The following CEP128 variants were observed in gnomAD, a reference collection of about 807,000 sequenced individuals.
CEP128 encodes the protein centrosomal protein 128.
In CEP128, 132 loss-of-function variants were observed where a neutral mutation model predicts 156.7. That is an observed-to-expected ratio of 0.84 (90% CI 0.73 to 0.97). The LOEUF (loss-of-function observed/expected upper bound fraction) is 0.97, where lower values mean the gene tolerates loss of function less well. Ranked by LOEUF, CEP128 falls within the 50% of genes least tolerant of loss-of-function variation. CEP128 has a pLI of 0.00. For synonymous variants in CEP128, 469 were observed against 448.9 expected, an observed-to-expected ratio of 1.04 and a Z score of -0.57; for missense variants, 1,252 against 1,281.9, an observed-to-expected ratio of 0.98 and a Z score of 0.36.
intron 19 of CEP128, among the ~76,000 whole-genome samples, chr14:80,729,080 T>G (rs1595298956): frequency 3.1e-5 from 2 of 65,154 alleles, no homozygotes; most frequent in African/African-American, 7.2e-5. Context: ...TGTGTGTGTG[T>G]GTGTGTGTGT....
At chr14:80,553,836 T>A (rs769430076) in intron 21 of CEP128, among the ~76,000 whole-genome samples, 4 of 152,220 alleles carry the variant, frequency 2.6e-5, no homozygotes, top group Non-Finnish European at 4.4e-5. Flanking sequence ...GGGCATTTTA[T>A]ATAAACAAGA....
At chr14:80,713,026 T>C (rs577025344) in intron 19 of CEP128, among the ~76,000 whole-genome samples, 4 of 152,144 alleles carry the variant, frequency 2.6e-5, no homozygotes, top group South Asian at 2.1e-4. Flanking sequence ...AATCATATCA[T>C]AGACAATCAA....
At chr14:80,667,358 A>G (rs1286605053) in intron 19 of CEP128, among the ~76,000 whole-genome samples, 2 of 152,194 alleles carry the variant, frequency 1.3e-5, no homozygotes, top group African/African-American at 4.8e-5. Flanking sequence ...TAAATTCTCC[A>G]AAGAAAGCCA....
chr14:80,882,153 GAA>G (rs1888581759), intron 8 of CEP128, among the ~76,000 whole-genome samples: 2 of 151,730 alleles, frequency 1.3e-5, no homozygotes, highest in African/African-American at 4.8e-5. Flanking sequence ...ACAACCCACA[GAA>G]TGACAAAAAA....
chr14:80,817,135 C>G (rs970960637), intron 13 of CEP128, among the ~76,000 whole-genome samples: 1 of 152,042 alleles, frequency 6.6e-6, no homozygotes, highest in African/African-American at 2.4e-5. Flanking sequence ...AGAGACTACA[C>G]ACATGATGGA....
chr14:80,662,759 A>C (rs1476885907), intron 19 of CEP128, among the ~76,000 whole-genome samples: 1 of 152,206 alleles, frequency 6.6e-6, no homozygotes, highest in Non-Finnish European at 1.5e-5. Context: ...TTGTGGTAAA[A>C]GTAATCTCAT....
At chr14:80,511,265 C>T (rs371063099) in intron 23 of CEP128, among the ~76,000 whole-genome samples, 36 of 151,878 alleles carry the variant, frequency 2.4e-4, no homozygotes, top group African/African-American at 8.7e-4. Flanking sequence ...ACCTTTTTAT[C>T]ATGGCTTCGA....
chr14:80,817,514 A>G (rs1421060389), intron 13 of CEP128, among the ~76,000 whole-genome samples: 3 of 152,224 alleles, frequency 2.0e-5, no homozygotes, highest in African/African-American at 4.8e-5. Flanking sequence ...TCTAATAGCA[A>G]TATCAGTAAA....
chr14:80,954,287 A>C (rs1886546317), intron 2 of CEP128, among the ~76,000 whole-genome samples: 1 of 151,824 alleles, frequency 6.6e-6, no homozygotes, highest in South Asian at 2.1e-4. Flanking sequence ...AAAAAAAAAG[A>C]AAAGAAAATT....
chr14:80,939,433 C>A lies in CEP128; in HGVS notation c.-64G>T, dbSNP rs1184633020. On this transcript the variant is annotated 5_prime_UTR_variant, in exon 2 of 25. Coordinates refer to ENST00000555265, the MANE Select transcript of CEP128 (RefSeq NM_152446.5). The stretch of plus-strand genomic sequence containing the variant: ...GTTGCTCTTCTCTGAGCTCAACGCT[C>A]TTTTTAGGCACATATGTCTGCCTCC... 4 of 152,128 alleles carry A rather than the reference C, an allele frequency of 2.6e-5. No homozygotes were observed. The highest frequency in any genetic ancestry group is 5.9e-5 in the Non-Finnish European group (4 of 68,028). The allele number at this position is 152,128 out of a possible 1,614,324, so 9.4% of individuals were successfully genotyped here.
chr14:80,850,270 T>C (rs1021835635), intron 9 of CEP128, among the ~76,000 whole-genome samples: 10 of 152,162 alleles, frequency 6.6e-5, no homozygotes, highest in African/African-American at 2.4e-4. Flanking sequence ...ATTTTTTTCA[T>C]TTGTGAGGCT....
intron 21 of CEP128, among the ~76,000 whole-genome samples, chr14:80,551,014 T>C (rs1302989349): frequency 1.3e-5 from 2 of 152,242 alleles, no homozygotes; most frequent in African/African-American, 2.4e-5. Flanking sequence ...ACATAAAAAG[T>C]ACATGAGAAT....
At chr14:80,853,796 A>T (rs2140127252) in intron 9 of CEP128, among the ~76,000 whole-genome samples, 1 of 152,154 alleles carries the variant, frequency 6.6e-6, no homozygotes, top group African/African-American at 2.4e-5. Context: ...ATAGGGCTAG[A>T]CAAGCAAATC....
At chr14:80,784,122 T>TCA (rs1470978511) in intron 15 of CEP128, among the ~76,000 whole-genome samples, 1 of 152,140 alleles carries the variant, frequency 6.6e-6, no homozygotes, top group African/African-American at 2.4e-5. Context: ...ATTCACCTAT[T>TCA]CAATAGATAT....
chr14:80,714,038 T>A (rs1897510747), intron 19 of CEP128, among the ~76,000 whole-genome samples: 1 of 152,198 alleles, frequency 6.6e-6, no homozygotes, highest in Non-Finnish European at 1.5e-5. Flanking sequence ...ATATTATTGA[T>A]GCACAGGGGA....
At chr14:80,575,082 T>G (rs1408118755) in intron 20 of CEP128, among the ~76,000 whole-genome samples, 1 of 149,450 alleles carries the variant, frequency 6.7e-6, no homozygotes, top group Non-Finnish European at 1.5e-5. Context: ...TTTTATATAT[T>G]TTATTATAGA....
chr14:80,881,415 A>C (rs1055072331), intron 8 of CEP128, among the ~76,000 whole-genome samples: 1 of 152,218 alleles, frequency 6.6e-6, no homozygotes, highest in Non-Finnish European at 1.5e-5. Context: ...ACAAGTAAAG[A>C]GATAAAAGAC....
intron 19 of CEP128, among the ~76,000 whole-genome samples, chr14:80,633,128 G>A (rs1894031634): frequency 6.7e-6 from 1 of 149,460 alleles, no homozygotes; most frequent in African/African-American, 2.5e-5. Context: ...TCTGGAGGCT[G>A]AGGCAGGAGG....
chr14:80,946,117 G>T (rs1324966568), upstream of CEP128, among the ~76,000 whole-genome samples: 1 of 152,102 alleles, frequency 6.6e-6, no homozygotes, highest in African/African-American at 2.4e-5. Flanking sequence ...AGAGGTGTTT[G>T]GGGGATAAAA....
Sources: gnomAD v4.1 joint callset for allele counts (sites outside exome capture counted in the v4.1 genomes callset) on GRCh38, gnomAD v4.1.1 for gene constraint, MANE v1.5 for transcripts, NCBI Gene and HGNC (gene_info 2026-07-23, HGNC 2026-07-21) for gene names.